The following HNRNPUL2 variants were observed in gnomAD, a reference collection of about 807,000 sequenced individuals.
The protein encoded by HNRNPUL2 is heterogeneous nuclear ribonucleoprotein U like 2.
HNRNPUL2 carries 27 observed loss-of-function variants against 102.2 expected under a neutral mutation model. That is an observed-to-expected ratio of 0.26 (90% CI 0.19 to 0.36). HNRNPUL2 has a LOEUF of 0.36. Ranked by LOEUF, HNRNPUL2 falls within the 10% of genes least tolerant of loss-of-function variation. The pLI, the probability that HNRNPUL2 is intolerant of heterozygous loss-of-function variation, is 1.00. For missense variants in HNRNPUL2, 936 were observed against 981.1 expected, an observed-to-expected ratio of 0.95 and a Z score of 0.61; for synonymous variants, 458 against 387.2, an observed-to-expected ratio of 1.18 and a Z score of -2.15.
chr11:62,721,680 A>G, intron 8 of HNRNPUL2, 140 bp downstream of exon 8: 1 of 1,093,518 alleles, frequency 9.1e-7, no homozygotes, highest in Non-Finnish European at 1.3e-6. Flanking sequence ...AAATCAATCC[A>G]CCTAAAACGC....
At position 62,721,936 on chromosome 11, in the gene HNRNPUL2, G is replaced by C. The variant is rs1330457804; in HGVS notation, c.1366C>G (p.Leu456Val). The change falls in exon 8 of 14, where the codon CTG (leucine) becomes GTG (valine). Residue 456 changes from leucine to valine, a missense_variant. By Grantham distance (32) the Leu-to-Val change is conservative. Coordinates refer to ENST00000301785, the MANE Select transcript of HNRNPUL2 (RefSeq NM_001079559.3). ...PKTIEECEVI[L>V]MVGLPGSGKT... Reference sequence around the variant, plus strand: ...CCAGATCCGGGTAGTCCCACCATCAGAATCACCTGCAAAAAACAGAACCAG... The same window carrying C: ...CCAGATCCGGGTAGTCCCACCATCACAATCACCTGCAAAAAACAGAACCAG... 1 of 1,613,462 alleles carries C rather than the reference G, an allele frequency of 6.2e-7. No individual in the cohort carries two copies. The highest frequency in any genetic ancestry group is 1.1e-5 in the South Asian group (1 of 90,968).
chr11:62,727,173 T>G lies in HNRNPUL2; in HGVS notation c.-17A>C. 2.1e-6 allele frequency: 3 copies of G among 1,401,986 alleles called. No homozygotes were observed. The highest frequency in any genetic ancestry group is 3.2e-5 in the East Asian group (1 of 30,806). 86.8% of individuals were successfully genotyped at this position (1,401,986 alleles called of 1,614,324 possible). On this transcript the variant is annotated 5_prime_UTR_variant, in exon 1 of 14. Coordinates refer to ENST00000301785, the MANE Select transcript of HNRNPUL2 (RefSeq NM_001079559.3). ...CACCTCCATCGCCGCCGCCGCCTCC[T>G]CCGCCTCCCGCCGCCTCCTCCCCTG...
chr11:62,715,460 GCCC>G (rs749317300), intron 13 of HNRNPUL2, 37 bp downstream of exon 13: 3 of 1,574,538 alleles, frequency 1.9e-6, no homozygotes, highest in Non-Finnish European at 2.6e-6. Context: ...TTCTGCTCCT[GCCC>G]CCCTTCACCC....
In HNRNPUL2 at chr11:62,717,100, T is replaced by C. The variant is rs1197665330; in HGVS notation, c.1870A>G (p.Lys624Glu). ...AGCTTCCTTGCCTCCTCCTTGTACT[T>C]AGTGACAATGGGCTGAGCTTCCTCC... is the stretch of plus-strand genomic sequence containing the variant. The part of the protein sequence containing the change: ...EKEEAQPIVT[K>E]YKEEARKLLP... Residue 624 changes from lysine to glutamate, a missense_variant, in exon 11 of 14, where the codon AAG (lysine) becomes GAG (glutamate). Physicochemically the swap from Lys to Glu is moderately conservative, Grantham distance 56. Coordinates refer to ENST00000301785, the MANE Select transcript of HNRNPUL2 (RefSeq NM_001079559.3). 6.2e-7 allele frequency: 1 copy of C among 1,614,186 alleles called. No individual in the cohort carries two copies. Among genetic ancestry groups the C allele is most frequent in the South Asian group, 1.1e-5 (1 of 91,078 alleles).
intron 9 of HNRNPUL2, 58 bp downstream of exon 9, chr11:62,721,237 A>C: frequency 6.8e-7 from 1 of 1,468,344 alleles, no homozygotes; most frequent in Admixed American, 2.3e-5. Context: ...TCCTTAATTC[A>C]GTCTCTCTTT....
Position 62,721,379 on chromosome 11 carries a change from G to A in HNRNPUL2, c.1527C>T (p.Asp509=), listed in dbSNP as rs369792397. The part of the protein sequence containing the change: ...EEPEMDPKSR[D]LLVQQASQCL... The stretch of plus-strand genomic sequence containing the variant: ...ACTGGGAGGCTTGCTGAACTAAAAG[G>A]TCTCGGCTTTTGGGGTCCATCTCTG... The change falls in exon 9 of 14, where the codon GAC becomes GAT. Residue 509 remains aspartate, a synonymous_variant. Coordinates refer to ENST00000301785, the MANE Select transcript of HNRNPUL2 (RefSeq NM_001079559.3). 2 of 1,609,010 alleles carry A rather than the reference G, an allele frequency of 1.2e-6. No individual in the cohort carries two copies. The highest frequency in any genetic ancestry group is 1.7e-6 in the Non-Finnish European group (2 of 1,178,292).
chr11:62,726,750 G>GC lies in HNRNPUL2; in HGVS notation c.406dup (p.Ala136GlyfsTer38). On this transcript the variant is annotated frameshift_variant, in exon 1 of 14. Coordinates refer to ENST00000301785, the MANE Select transcript of HNRNPUL2 (RefSeq NM_001079559.3). LOFTEE classifies it high-confidence loss of function. ...GCCACCATTTACCCCGCCTGACCCG[G>GC]CCGTGGCCTCCGCCGGCTTCTCGGA... 6.2e-7 allele frequency: 1 copy of GC among 1,601,026 alleles called. No homozygotes were observed. The highest frequency in any genetic ancestry group is 8.5e-7 in the Non-Finnish European group (1 of 1,179,592).
In HNRNPUL2 at chr11:62,726,846, C is replaced by A. The variant is rs766630079; in HGVS notation, c.311G>T (p.Gly104Val). The A allele has an allele frequency of 1.3e-6, 2 of 1,588,914 alleles. No homozygotes were observed. Among genetic ancestry groups the A allele is most frequent in the Non-Finnish European group, 1.7e-6 (2 of 1,174,956 alleles). Reference sequence around the variant, plus strand: ...CTCCGGCGGCGGCTGCGCGGCCTGACCCAAGGCTTGAGCAGGGGGTGGCTC... The same window carrying A: ...CTCCGGCGGCGGCTGCGCGGCCTGAACCAAGGCTTGAGCAGGGGGTGGCTC... ...DEEPPPAQAL[G>V]QAAQPPPEPP... The change falls in exon 1 of 14, where the codon GGT (glycine) becomes GTT (valine). Residue 104 changes from glycine (G) to valine (V), a missense_variant. Gly to Val is a moderately radical substitution (Grantham distance 109). This residue lies in a region of HNRNPUL2 where 327 missense variants were observed against 268.1 expected (regional missense o/e 1.22). Coordinates refer to ENST00000301785, the MANE Select transcript of HNRNPUL2 (RefSeq NM_001079559.3).
chr11:62,721,938 ATCACCTGC>A lies in HNRNPUL2; in HGVS notation c.1360-4_1363del. ...AGATCCGGGTAGTCCCACCATCAGA[ATCACCTGC>A]AAAAAACAGAACCAGAAATATAATG... is the stretch of plus-strand genomic sequence containing the variant. On this transcript the variant is annotated splice_acceptor_variant and splice_polypyrimidine_tract_variant and coding_sequence_variant and intron_variant, in exon 8 of 14. Transcript: ENST00000301785. LOFTEE classifies it high-confidence loss of function. The A allele has an allele frequency of 6.2e-7, 1 of 1,613,576 alleles. No homozygotes were observed.
chr11:62,721,870 C>G lies in HNRNPUL2; in HGVS notation c.1432G>C (p.Glu478Gln). The change falls in exon 8 of 14, where the codon GAG (glutamate) becomes CAG (glutamine). Residue 478 changes from glutamate (E) to glutamine (Q), a missense_variant. Around this residue, in one of 2 missense-constraint regions of HNRNPUL2, gnomAD observed 609 missense variants for 713.0 expected, o/e 0.85. Coordinates refer to ENST00000301785, the MANE Select transcript of HNRNPUL2 (RefSeq NM_001079559.3). ...GCTCCCAGGACATTGTATCTTTTCT[C>G]AGGGTTTTCTTTTGCATATTTCAGT... ...WALKYAKENP[E>Q]KRYNVLGAET... is the part of the protein sequence containing the mutation. 1 of 1,614,178 alleles carries G rather than the reference C, an allele frequency of 6.2e-7. No homozygotes were observed.
chr11:62,718,350 A>G (rs368765796), intron 10 of HNRNPUL2, among the ~76,000 whole-genome samples: 1 of 152,202 alleles, frequency 6.6e-6, no homozygotes, highest in African/African-American at 2.4e-5. Flanking sequence ...CCAGAAATCA[A>G]GTTATACCAA....
intron 9 of HNRNPUL2, among the ~76,000 whole-genome samples, chr11:62,720,522 TGGC>T: frequency 7.8e-6 from 1 of 128,178 alleles, no homozygotes; most frequent in East Asian, 2.3e-4. Context: ...CCAGCCTGGG[TGGC>T]GGCTGAGCAA....
Position 62,713,115 on chromosome 11 carries a change from T to C in HNRNPUL2, c.*2184A>G, listed in dbSNP as rs530869349. ...CAGTTTTGTAAAAAAGATTACTTTC[T>C]AGTGTCAAATATCAACAGCGAGTAC... On this transcript the variant is annotated 3_prime_UTR_variant, in exon 14 of 14. Coordinates refer to ENST00000301785, the MANE Select transcript of HNRNPUL2 (RefSeq NM_001079559.3). 3.0e-4 allele frequency: 46 copies of C among 152,274 alleles called. No individual in the cohort carries two copies. The highest frequency in any genetic ancestry group is 1.1e-3 in the African/African-American group (45 of 41,562). The allele number at this position is 152,274 out of a possible 1,614,324, so 9.4% of individuals were successfully genotyped here.
chr11:62,716,857 A>C (rs1256803804), intron 11 of HNRNPUL2, 132 bp downstream of exon 11: 6 of 754,746 alleles, frequency 7.9e-6, no homozygotes, highest in Non-Finnish European at 6.6e-6. Flanking sequence ...GGAAGAAATA[A>C]GCTCCATGAA....
At position 62,727,168 on chromosome 11, in the gene HNRNPUL2, C is replaced by T. The variant is rs1387122889; in HGVS notation, c.-12G>A. 1 of 1,422,326 alleles carries T rather than the reference C, an allele frequency of 7.0e-7. No individual in the cohort carries two copies. Among genetic ancestry groups the T allele is most frequent in the East Asian group, 3.2e-5 (1 of 31,700 alleles). 88.1% of individuals were successfully genotyped at this position (1,422,326 alleles called of 1,614,324 possible). On this transcript the variant is annotated 5_prime_UTR_variant, in exon 1 of 14. Coordinates refer to ENST00000301785, the MANE Select transcript of HNRNPUL2 (RefSeq NM_001079559.3). ...CGCTTCACCTCCATCGCCGCCGCCGCCTCCTCCGCCTCCCGCCGCCTCCTC... is the reference window on the plus strand; with the variant it reads ...CGCTTCACCTCCATCGCCGCCGCCGTCTCCTCCGCCTCCCGCCGCCTCCTC...
chr11:62,724,521 G>A, intron 1 of HNRNPUL2, 95 bp from the exon 2 acceptor site: 1 of 1,410,228 alleles, frequency 7.1e-7, no homozygotes, highest in South Asian at 1.2e-5. Context: ...CTGAGAATCT[G>A]TCTGATCAAA....
At position 62,719,967 on chromosome 11, in the gene HNRNPUL2, A is replaced by C. The variant is rs2083687994; in HGVS notation, c.1780+56T>G. The C allele has an allele frequency of 2.6e-5, 40 of 1,514,440 alleles. No individual in the cohort carries two copies. In the South Asian group the frequency reaches 4.5e-4, roughly 17 times the overall value. 93.8% of individuals were successfully genotyped at this position (1,514,440 alleles called of 1,614,324 possible). A position where few individuals can be genotyped will look rare whatever the true frequency, so the allele number is the denominator to read the frequency against. The stretch of plus-strand genomic sequence containing the variant: ...GGAAATAAACCTCTATTACTTACAA[A>C]TTATGAAGTCTATGGTATTCTGTTA... On this transcript the variant is annotated intron_variant, in intron 10 of 13. Transcript: ENST00000301785.
Position 62,726,875 on chromosome 11 carries a change from G to GTCCTCGTCCTCAAGCAGCGCC in HNRNPUL2, c.261_281dup (p.Glu87_Glu93dup), listed in dbSNP as rs2083755737. On this transcript the variant is annotated inframe_insertion, in exon 1 of 14. Transcript: ENST00000301785. The stretch of plus-strand genomic sequence containing the variant: ...AGGCTTGAGCAGGGGGTGGCTCCTC[G>GTCCTCGTCCTCAAGCAGCGCC]TCCTCGTCCTCAAGCAGCGCCTCCT... 1 of 1,579,042 alleles carries GTCCTCGTCCTCAAGCAGCGCC rather than the reference G, an allele frequency of 6.3e-7. No homozygotes were observed. The highest frequency in any genetic ancestry group is 8.5e-7 in the Non-Finnish European group (1 of 1,171,544).
Position 62,714,774 on chromosome 11 carries a change from G to C in HNRNPUL2, c.*525C>G, listed in dbSNP as rs1195288112. 1 of 153,804 alleles carries C rather than the reference G, an allele frequency of 6.5e-6. No individual in the cohort carries two copies. The highest frequency in any genetic ancestry group is 1.4e-5 in the Non-Finnish European group (1 of 69,254). 9.5% of individuals were successfully genotyped at this position (153,804 alleles called of 1,614,324 possible). On this transcript the variant is annotated 3_prime_UTR_variant, in exon 14 of 14. Coordinates refer to ENST00000301785, the MANE Select transcript of HNRNPUL2 (RefSeq NM_001079559.3). ...TAGTTGGTGCAAGTGATTGATAAGA[G>C]CCAATCGTTTATTTTCACTGTCCCA...
Sources: gnomAD v4.1 joint callset for allele counts (sites outside exome capture counted in the v4.1 genomes callset) on GRCh38, gnomAD v4.1.1 for gene constraint, gnomAD v4.1.1 regional missense constraint, MANE v1.5 for transcripts, NCBI Gene and HGNC (gene_info 2026-07-23, HGNC 2026-07-21) for gene names.